The following IMP4 variants were observed in gnomAD, a reference collection of about 807,000 sequenced individuals.
The protein encoded by IMP4 is IMP U3 small nucleolar ribonucleoprotein 4, also known as U3 small nucleolar ribonucleoprotein IMP4.
In IMP4, 30 loss-of-function variants were observed where a neutral mutation model predicts 42.7. The ratio of observed to expected loss-of-function variants is 0.70; its 90% CI spans 0.53 to 0.95. The LOEUF is 0.95. Ranked by LOEUF, IMP4 falls within the 40% of genes least tolerant of loss-of-function variation. The pLI is 0.00. For missense variants in IMP4, 382 were observed against 411.4 expected (o/e 0.93, Z 0.62); for synonymous variants, 165 against 165.2 (o/e 1.00, Z 0.01).
rs1001756408 is a variant in IMP4, at chr2:130,345,041, C to G, written c.196+329C>G. 2.2e-5 allele frequency: 12 copies of G among 549,504 alleles called. No individual in the cohort carries two copies. The highest frequency in any genetic ancestry group is 2.1e-4 in the African/African-American group (11 of 53,078). 34.0% of individuals were successfully genotyped at this position (549,504 alleles called of 1,614,324 possible). A position where few individuals can be genotyped will look rare whatever the true frequency, so the allele number is the denominator to read the frequency against. ...TTATTCAAGAAACAAGAAAGGAATC[C>G]CAAACATTATAGATATTTGTTACGA... is the stretch of plus-strand genomic sequence containing the variant. On this transcript the variant is annotated intron_variant, in intron 3 of 8. Transcript: ENST00000259239. This position sits in a 1 kb window ranked among gnomAD's most constrained non-coding sequence, Gnocchi z 4.9.
rs1378276139 is a variant in IMP4, at chr2:130,345,289, C to G, written c.197-87C>G. 3.0e-6 allele frequency: 3 copies of G among 986,076 alleles called. No individual in the cohort carries two copies. The highest frequency in any genetic ancestry group is 4.7e-6 in the Non-Finnish European group (3 of 633,090). 61.1% of individuals were successfully genotyped at this position (986,076 alleles called of 1,614,324 possible). A position where few individuals can be genotyped will look rare whatever the true frequency, so the allele number is the denominator to read the frequency against. On this transcript the variant is annotated intron_variant, in intron 3 of 8. Coordinates refer to ENST00000259239, the MANE Select transcript of IMP4 (RefSeq NM_033416.3). This position sits in a 1 kb window ranked among gnomAD's most constrained non-coding sequence, Gnocchi z 4.9. ...TCCTATTGTTGAAGGCTTCGGCAGA[C>G]AGCGACATCCAGGCGGTCTTGGCTG...
chr2:130,344,826 G>A (rs1679395238), intron 3 of IMP4, 114 bp downstream of exon 3: 2 of 753,494 alleles, frequency 2.7e-6, no homozygotes, highest in South Asian at 3.0e-5. Flanking sequence ...TGTCCCCCAT[G>A]CCCTTGTCAC....
At position 130,346,442 on chromosome 2, in the gene IMP4, AAG is replaced by A; in HGVS notation, c.855_856del (p.Arg285SerfsTer40). On this transcript the variant is annotated frameshift_variant, in exon 9 of 9. Transcript: ENST00000259239. LOFTEE classifies it high-confidence loss of function. ...GCACCCTTACACCAATACCGCACGC[AAG>A]AGAGTCTTCCTGAGCACCGAGTGAG... Reference protein sequence around the residue: ...RWHPYTNTARKRVFLSTE With the variant: ...RWHPYTNTARXRVFLSTE 1 of 1,563,920 alleles carries A rather than the reference AAG, an allele frequency of 6.4e-7. No homozygotes were observed. The highest frequency in any genetic ancestry group is 8.7e-7 in the Non-Finnish European group (1 of 1,153,414).
At chr2:130,343,353 A>C (rs1558827934) in intron 2 of IMP4, 159 bp downstream of exon 2, 4 of 723,716 alleles carry the variant, frequency 5.5e-6, no homozygotes, top group Non-Finnish European at 1.0e-5. Flanking sequence ...TGATGGTATT[A>C]ATTACTTGTC....
Position 130,345,389 on chromosome 2 carries a change from C to T in IMP4, c.210C>T (p.His70=), listed in dbSNP as rs778221510. 14 of 1,613,664 alleles carry T rather than the reference C, an allele frequency of 8.7e-6. No homozygotes were observed. The highest frequency in any genetic ancestry group is 2.2e-5 in the South Asian group (2 of 91,038). The change falls in exon 4 of 9, where the codon CAC becomes CAT. Residue 70 remains histidine, a synonymous_variant. Coordinates refer to ENST00000259239, the MANE Select transcript of IMP4 (RefSeq NM_033416.3). The surrounding 1 kb of genome is among the most constrained non-coding windows in gnomAD (Gnocchi z 4.9). ...DDAGGEGVTS[H]VDDEYRWAGV... Reference sequence around the variant, plus strand: ...TGCTCCTGACAGGTGTGACCAGCCACGTGGATGATGAATACCGATGGGCAG... The same window carrying T: ...TGCTCCTGACAGGTGTGACCAGCCATGTGGATGATGAATACCGATGGGCAG...
rs1679540608 is a variant in IMP4, at chr2:130,346,103, T to A, written c.680T>A (p.Ile227Lys). 1 of 1,613,954 alleles carries A rather than the reference T, an allele frequency of 6.2e-7. No individual in the cohort carries two copies. Among genetic ancestry groups the A allele is most frequent in the Admixed American group, 1.7e-5 (1 of 60,004 alleles). ...ACCTTCGCAAACCAGGACGACTACA[T>A]ATCATTCCGGTGGGTCCACGGGCCA... ...VITFANQDDYISFRHHVYKKT... is the reference protein window; with the variant it reads ...VITFANQDDYKSFRHHVYKKT... The change falls in exon 7 of 9, where the codon ATA becomes AAA. Residue 227 changes from isoleucine (I) to lysine (K), a missense_variant. Transcript: ENST00000259239.
rs543708443 is a variant in IMP4, at chr2:130,346,507, C to T, written c.*39C>T. ...TCAGTCAGGACATGGACTTGGAACT[C>T]AGGATGGGGCTGTCATAGACAGACC... On this transcript the variant is annotated 3_prime_UTR_variant, in exon 9 of 9. Transcript: ENST00000259239. 7.2e-7 allele frequency: 1 copy of T among 1,397,734 alleles called. No individual in the cohort carries two copies. Among genetic ancestry groups the T allele is most frequent in the South Asian group, 1.2e-5 (1 of 81,020 alleles). 86.6% of individuals were successfully genotyped at this position (1,397,734 alleles called of 1,614,324 possible).
rs769619902 is a variant in IMP4 at position 130,343,126 on chromosome 2, G to T, written c.44G>T (p.Arg15Leu). The T allele has an allele frequency of 3.3e-5, 52 of 1,554,106 alleles. No homozygotes were observed. The highest frequency in any genetic ancestry group is 4.3e-5 in the Non-Finnish European group (49 of 1,147,988). Residue 15 changes from arginine (R) to leucine (L), a missense_variant, in exon 2 of 9, where the codon CGC (arginine) becomes CTC (leucine). Transcript: ENST00000259239. Reference protein sequence around the residue: ...EARLRREYLYRKAREEAQRSA... With the variant: ...EARLRREYLYLKAREEAQRSA... ...CGCCTGCGCCGCGAGTACCTGTACC[G>T]CAAGGCCCGGGAGGAGGCGCAGCGC...
chr2:130,347,650 A>G lies in IMP4; in HGVS notation c.*1182A>G, dbSNP rs1315528740. Reference sequence around the variant, plus strand: ...TTAGTGCTCTTATAAAAGATGCCCGAGGGAGCTCTTTTGCCCCTCCTGCCA... The same window carrying G: ...TTAGTGCTCTTATAAAAGATGCCCGGGGGAGCTCTTTTGCCCCTCCTGCCA... On this transcript the variant is annotated 3_prime_UTR_variant, in exon 9 of 9. Coordinates refer to ENST00000259239, the MANE Select transcript of IMP4 (RefSeq NM_033416.3). The G allele has an allele frequency of 6.6e-6, 1 of 152,280 alleles. No homozygotes were observed. The highest frequency in any genetic ancestry group is 6.5e-5 in the Admixed American group (1 of 15,282). The allele number at this position is 152,280 out of a possible 1,614,324, so 9.4% of individuals were successfully genotyped here.
At chr2:130,343,310 T>C (rs1425046252) in intron 2 of IMP4, 116 bp downstream of exon 2, 1 of 773,046 alleles carries the variant, frequency 1.3e-6, no homozygotes, top group African/African-American at 1.7e-5. Flanking sequence ...CCCATTGGGT[T>C]CTCCTGTTGG....
rs1421777146 is a variant in IMP4 at position 130,346,336 on chromosome 2, G to C, written c.764-20G>C. On this transcript the variant is annotated intron_variant, in intron 8 of 8. Transcript: ENST00000259239. Reference sequence around the variant, plus strand: ...AGGGGAGGCTGGCTGTGCCGGGGCTGATGCCATCCCTGCCTGCAGTGTACA... The same window carrying C: ...AGGGGAGGCTGGCTGTGCCGGGGCTCATGCCATCCCTGCCTGCAGTGTACA... 1 of 1,602,058 alleles carries C rather than the reference G, an allele frequency of 6.2e-7. No homozygotes were observed. The highest frequency in any genetic ancestry group is 1.7e-5 in the Admixed American group (1 of 57,748).
At position 130,346,229 on chromosome 2, in the gene IMP4, C is replaced by T. The variant is rs777978250; in HGVS notation, c.718C>T (p.Arg240Cys). The part of the protein sequence containing the change: ...RHHVYKKTDH[R>C]NVELTEVGPR... ...CCATGTGTATAAGAAGACAGACCACCGCAACGTGGAGCTCACTGAGGTCGG... is the reference window on the plus strand; with the variant it reads ...CCATGTGTATAAGAAGACAGACCACTGCAACGTGGAGCTCACTGAGGTCGG... The change falls in exon 8 of 9, where the codon CGC (arginine) becomes TGC (cysteine). Residue 240 changes from arginine to cysteine, a missense_variant. Transcript: ENST00000259239. 8.1e-6 allele frequency: 13 copies of T among 1,614,052 alleles called. No individual in the cohort carries two copies. Among genetic ancestry groups the T allele is most frequent in the East Asian group, 4.5e-5 (2 of 44,882 alleles).
Position 130,345,773 on chromosome 2 carries a change from C to A in IMP4, c.440-6C>A. The A allele has an allele frequency of 1.9e-6, 3 of 1,613,344 alleles. No homozygotes were observed. In the South Asian group the frequency reaches 3.3e-5, roughly 18 times the overall value. On this transcript the variant is annotated splice_polypyrimidine_tract_variant and splice_region_variant and intron_variant, in intron 5 of 8. Coordinates refer to ENST00000259239, the MANE Select transcript of IMP4 (RefSeq NM_033416.3). The surrounding 1 kb of genome is among the most constrained non-coding windows in gnomAD (Gnocchi z 4.9). ...GGGGTCTCTGACAGCCACCTTTCCC[C>A]GCCAGTGGGGCTCATCGTCAGCCAC...
In IMP4 at chr2:130,345,722, G is replaced by A. The variant is rs544451209; in HGVS notation, c.439+23G>A. On this transcript the variant is annotated intron_variant, in intron 5 of 8. Coordinates refer to ENST00000259239, the MANE Select transcript of IMP4 (RefSeq NM_033416.3). The surrounding 1 kb of genome is among the most constrained non-coding windows in gnomAD (Gnocchi z 4.9). ...CTGGTAAGGCCGGAGGGAGGGAGTC[G>A]GGGTGGGAGCCGTCTGAGGGCAGAC... 5.0e-6 allele frequency: 8 copies of A among 1,612,784 alleles called. No individual in the cohort carries two copies. Among genetic ancestry groups the A allele is most frequent in the Middle Eastern group, 1.6e-4 (1 of 6,062 alleles).
rs1412382211 is a variant in IMP4, at chr2:130,346,551, C to G, written c.*83C>G. On this transcript the variant is annotated 3_prime_UTR_variant, in exon 9 of 9. Transcript: ENST00000259239. ...ACAGACCCACCAGTAGGAACTGTCACAGAATGGCCTGCTGAACTGGGATGT... is the reference window on the plus strand; with the variant it reads ...ACAGACCCACCAGTAGGAACTGTCAGAGAATGGCCTGCTGAACTGGGATGT... 2 of 947,710 alleles carry G rather than the reference C, an allele frequency of 2.1e-6. No individual in the cohort carries two copies. The highest frequency in any genetic ancestry group is 4.0e-5 in the Admixed American group (2 of 49,858). 58.7% of individuals were successfully genotyped at this position (947,710 alleles called of 1,614,324 possible).
At position 130,343,113 on chromosome 2, in the gene IMP4, G is replaced by T. The variant is rs779566149; in HGVS notation, c.31G>T (p.Glu11Ter). ...GCGCCGCGAGGCCCGCCTGCGCCGC[G>T]AGTACCTGTACCGCAAGGCCCGGGA... Reference protein sequence around the residue: MLRREARLRREYLYRKAREEA... With the variant: MLRREARLRR The change falls in exon 2 of 9, where the codon GAG becomes TAG. Residue 11 changes from glutamate (E) to a stop codon, truncating the protein, a stop_gained. Transcript: ENST00000259239. LOFTEE classifies it high-confidence loss of function. 1.9e-6 allele frequency: 3 copies of T among 1,556,718 alleles called. No individual in the cohort carries two copies. The highest frequency in any genetic ancestry group is 2.3e-5 in the South Asian group (2 of 86,660).
At chr2:130,344,763 C>A in intron 3 of IMP4, 51 bp downstream of exon 3, 1 of 1,257,846 alleles carries the variant, frequency 8.0e-7, no homozygotes, top group Non-Finnish European at 1.2e-6. Flanking sequence ...GGTCTCCAGT[C>A]CTTCCTCAGA....
rs534205760 is a variant in IMP4 at position 130,344,700 on chromosome 2, G to A, written c.184G>A (p.Ala62Thr). ...ALQGSLEFDD[A>T]GGEGVTSHVD... is the part of the protein sequence containing the mutation. ...ACAGGGGTCCCTGGAGTTTGATGAT[G>A]CTGGAGGTGAAGGTAACTATACAAG... The change falls in exon 3 of 9, where the codon GCT becomes ACT. Residue 62 changes from alanine to threonine, a missense_variant. Coordinates refer to ENST00000259239, the MANE Select transcript of IMP4 (RefSeq NM_033416.3). 72 of 1,612,614 alleles carry A rather than the reference G, an allele frequency of 4.5e-5. No homozygotes were observed. In the East Asian group the frequency reaches 1.6e-3, roughly 35 times the overall value.
Position 130,345,958 on chromosome 2 carries a change from G to A in IMP4, c.594+25G>A, listed in dbSNP as rs1573843260. 1.2e-5 allele frequency: 19 copies of A among 1,614,182 alleles called. No homozygotes were observed. In the East Asian group the frequency reaches 4.2e-4, roughly 36 times the overall value. On this transcript the variant is annotated intron_variant, in intron 6 of 8. Transcript: ENST00000259239. This position sits in a 1 kb window ranked among gnomAD's most constrained non-coding sequence, Gnocchi z 4.9. ...GGTGAGTCTGGGGGCCTTCAGGCTG[G>A]GGCTGCGGGCCAGGCCAGGCATTTG...
Sources: allele counts gnomAD v4.1 joint callset, GRCh38; gene constraint gnomAD v4.1.1; non-coding constraint Gnocchi (gnomAD v3.1); transcripts MANE v1.5; gene names NCBI Gene and HGNC (gene_info 2026-07-23, HGNC 2026-07-21).